Variants in ESRRG observed in about 807,000 individuals in gnomAD.
ESRRG encodes the protein estrogen-related receptor gamma.
Under a neutral mutation model 44.0 loss-of-function variants are expected in ESRRG, and 13 were observed. That is an observed-to-expected ratio of 0.30 (90% CI 0.19 to 0.47). The LOEUF (loss-of-function observed/expected upper bound fraction) is 0.47, where lower values mean the gene tolerates loss of function less well. ESRRG is among the 20% of genes least tolerant of loss of function. The pLI is 1.00. For synonymous variants in ESRRG, 215 were observed against 214.6 expected (o/e 1.00, Z -0.02); for missense variants, 395 against 580.6 (o/e 0.68, Z 3.29).
At chr1:216,978,159 C>T (rs563088801) in intron 1 of ESRRG, among the ~76,000 whole-genome samples, 17 of 152,260 alleles carry the variant, frequency 1.1e-4, no homozygotes, top group South Asian at 1.0e-3. Context: ...TTGCTTAAAA[C>T]GAGAGCTGGC....
At chr1:217,064,718 T>G (rs1235182089) in intron 1 of ESRRG, among the ~76,000 whole-genome samples, 4 of 152,136 alleles carry the variant, frequency 2.6e-5, no homozygotes, top group Non-Finnish European at 4.4e-5. Flanking sequence ...ACTAATAAAT[T>G]TCAAGTAGAT....
intron 2 of ESRRG, among the ~76,000 whole-genome samples, chr1:216,739,573 A>G (rs1419026350): frequency 6.6e-6 from 1 of 152,182 alleles, no homozygotes; most frequent in East Asian, 1.9e-4. Flanking sequence ...AGGAACTGTT[A>G]GTGTAAATTC....
At chr1:217,099,955 C>T (rs984380838) in intron 1 of ESRRG, among the ~76,000 whole-genome samples, 28 of 150,968 alleles carry the variant, frequency 1.9e-4, no homozygotes, top group African/African-American at 5.1e-4. Context: ...TGGATGAATG[C>T]TCCGTTCCGT....
chr1:216,604,017 T>A (rs1389024182), intron 3 of ESRRG, among the ~76,000 whole-genome samples: 2 of 150,408 alleles, frequency 1.3e-5, no homozygotes, highest in Non-Finnish European at 2.9e-5. Context: ...CATTCTAGCA[T>A]CCTGTGAGGA....
intron 2 of ESRRG, among the ~76,000 whole-genome samples, chr1:216,825,736 C>G (rs923037941): frequency 6.6e-6 from 1 of 152,152 alleles, no homozygotes; most frequent in African/African-American, 2.4e-5. Flanking sequence ...ACAAAGCATT[C>G]TAGTCTGAGA....
intron 2 of ESRRG, among the ~76,000 whole-genome samples, chr1:216,916,186 A>G (rs1457551266): frequency 6.6e-6 from 1 of 152,216 alleles, no homozygotes; most frequent in Non-Finnish European, 1.5e-5. Flanking sequence ...AAAAGATGAC[A>G]TCACTTCAAA....
intron 5 of ESRRG, among the ~76,000 whole-genome samples, chr1:216,546,007 T>C (rs1365642145): frequency 1.3e-5 from 2 of 152,100 alleles, no homozygotes; most frequent in Non-Finnish European, 2.9e-5. Flanking sequence ...TTATAAGATT[T>C]GCAAAATTGA....
intron 1 of ESRRG, among the ~76,000 whole-genome samples, chr1:216,978,347 G>A (rs868588406): frequency 1.3e-5 from 2 of 152,152 alleles, no homozygotes; most frequent in East Asian, 3.9e-4. Context: ...TATATAGCTG[G>A]CAAGGCAGAA....
chr1:216,730,165 C>T (rs1043877985), intron 2 of ESRRG, among the ~76,000 whole-genome samples: 1 of 152,040 alleles, frequency 6.6e-6, no homozygotes, highest in African/African-American at 2.4e-5. Context: ...TGACACTATA[C>T]TAGCGCATAG....
intron 3 of ESRRG, among the ~76,000 whole-genome samples, chr1:216,621,274 G>A (rs1430515579): frequency 2.6e-5 from 4 of 152,086 alleles, no homozygotes; most frequent in African/African-American, 9.7e-5. Context: ...GGAAAATTAT[G>A]CCTGTCTAGT....
rs184408575 is a variant in ESRRG, at chr1:217,057,856, G to T, written c.-106+31651C>A. Among the ~76,000 whole-genome samples the T allele has an allele frequency of 2.2e-4, 33 of 152,242 alleles. No homozygotes were observed. The East Asian group carries it at 6.2e-3, about 28-fold the overall frequency. On this transcript the variant is annotated intron_variant, in intron 1 of 7. Coordinates refer to the ESRRG transcript ENST00000359162. Reference sequence around the variant, plus strand: ...TTTAGCTCCATCGGCTATCATTAGTGTTAGTGTATTTTATGTGTGGCCCAA... The same window carrying T: ...TTTAGCTCCATCGGCTATCATTAGTTTTAGTGTATTTTATGTGTGGCCCAA...
intron 2 of ESRRG, among the ~76,000 whole-genome samples, chr1:216,729,232 AT>A (rs2088206418): frequency 6.6e-6 from 1 of 152,224 alleles, no homozygotes; most frequent in African/African-American, 2.4e-5. Flanking sequence ...CGCTGAGGAA[AT>A]TTTGGCTTGT....
chr1:217,130,714 T>C (rs915077543), intron 1 of ESRRG, among the ~76,000 whole-genome samples: 2 of 152,224 alleles, frequency 1.3e-5, no homozygotes, highest in Non-Finnish European at 2.9e-5. Context: ...AAGGGGGATA[T>C]AATTTTTCAG....
chr1:216,509,028 C>T (rs998606773), intron 6 of ESRRG, among the ~76,000 whole-genome samples: 1 of 152,160 alleles, frequency 6.6e-6, no homozygotes, highest in African/African-American at 2.4e-5. Context: ...ACCAAAAACA[C>T]ACCAGAATAA....
chr1:217,023,503 C>G (rs2080695917), intron 1 of ESRRG, among the ~76,000 whole-genome samples: 1 of 152,160 alleles, frequency 6.6e-6, no homozygotes, highest in Non-Finnish European at 1.5e-5. Flanking sequence ...ACTGAAATCA[C>G]CCTTTGGAGT....
intron 2 of ESRRG, among the ~76,000 whole-genome samples, chr1:216,876,509 T>A (rs922480195): frequency 6.6e-6 from 1 of 152,164 alleles, no homozygotes; most frequent in African/African-American, 2.4e-5. Context: ...TCATTGTATC[T>A]AGAATATATA....
chr1:216,508,650 G>A (rs2041878121), intron 6 of ESRRG, among the ~76,000 whole-genome samples: 1 of 152,172 alleles, frequency 6.6e-6, no homozygotes, highest in Admixed American at 6.5e-5. Context: ...CTCCTATGGT[G>A]CTGTCTCTTA....
At chr1:217,051,911 A>T (rs1052172671) in intron 1 of ESRRG, among the ~76,000 whole-genome samples, 2 of 151,956 alleles carry the variant, frequency 1.3e-5, no homozygotes, top group African/African-American at 2.4e-5. Flanking sequence ...CCACAGGCTC[A>T]CACCACCACA....
chr1:216,624,512 C>T (rs1048183666), intron 3 of ESRRG, among the ~76,000 whole-genome samples: 2 of 152,294 alleles, frequency 1.3e-5, no homozygotes, highest in East Asian at 1.9e-4. Context: ...TACGCCCTAC[C>T]TGGAACAGAT....
Sources: allele counts gnomAD v4.1 joint callset (sites outside exome capture counted in the v4.1 genomes callset), GRCh38; gene constraint gnomAD v4.1.1; transcripts MANE v1.5; gene names NCBI Gene and HGNC (gene_info 2026-07-23, HGNC 2026-07-21).